Variants in CERS1 observed in about 807,000 individuals in gnomAD.
The protein encoded by CERS1 is Embryonic growth/differentiation factor 1.
A neutral mutation model predicts 35.7 loss-of-function variants in CERS1; 16 were observed. The observed-to-expected ratio is 0.45, with a 90% confidence interval of 0.30 to 0.68. CERS1 has a LOEUF of 0.68. Among genes scored for constraint, CERS1 ranks in the 30% least tolerant of loss-of-function variants. The probability of loss-of-function intolerance (pLI) is 0.08; values close to 1 mark genes in which losing one functional copy is unlikely to be tolerated. For synonymous variants in CERS1, 243 were observed against 201.6 expected, an observed-to-expected ratio of 1.21 and a Z score of -1.74; for missense variants, 454 against 453.9, an observed-to-expected ratio of 1.00 and a Z score of 0.00.
rs966648207 is a variant in CERS1, at chr19:18,869,167, G to A, written c.*818C>T. ...GCCCCAGGGCGGGCACCAACTGGCG[G>A]AGCAGCACCGGCCCGGGGTCCGCGC... On this transcript the variant is annotated 3_prime_UTR_variant, in exon 8 of 8. Transcript: ENST00000623882. 2.6e-6 allele frequency: 3 copies of A among 1,146,760 alleles called. No individual in the cohort carries two copies. Among genetic ancestry groups the A allele is most frequent in the African/African-American group, 1.7e-5 (1 of 60,208 alleles). The allele number at this position is 1,146,760 out of a possible 1,614,324, so 71.0% of individuals were successfully genotyped here. A position where few individuals can be genotyped will look rare whatever the true frequency, so the allele number is the denominator to read the frequency against.
intron 3 of CERS1, chr19:18,883,043 CA>C (rs1326487003): frequency 4.6e-5 from 7 of 152,150 alleles, no homozygotes; most frequent in Non-Finnish European, 8.8e-5. Flanking sequence ...AGGTTGAACT[CA>C]AACTTCTGGG....
At chr19:18,885,279 C>T (rs1390541315) in intron 2 of CERS1, among the ~76,000 whole-genome samples, 2 of 152,106 alleles carry the variant, frequency 1.3e-5, no homozygotes, top group Non-Finnish European at 2.9e-5. Context: ...TAGTTCACTG[C>T]AGCCTCGACC....
intron 6 of CERS1, among the ~76,000 whole-genome samples, chr19:18,872,823 A>G (rs2055998881): frequency 6.6e-6 from 1 of 151,112 alleles, no homozygotes. Context: ...TAATTTTTAT[A>G]TTTTTAGTAG....
In CERS1 at chr19:18,884,101, G is replaced by A; in HGVS notation, c.576C>T (p.Ser192=). 1 of 1,613,270 alleles carries A rather than the reference G, an allele frequency of 6.2e-7. No homozygotes were observed. Among genetic ancestry groups the A allele is most frequent in the Non-Finnish European group, 8.5e-7 (1 of 1,179,622 alleles). Residue 192 remains serine (S), a synonymous_variant, in exon 3 of 8, where the codon TCC becomes TCT. Transcript: ENST00000623882. ...HHVVTLILIV[S]SYAFRYHNVG... ...CCTGTCCTTACCGGAAGGCGTAGGA[G>A]GAGACGATGAGGATGAGAGTGACCA...
At chr19:18,888,686 C>T (rs2056420656) in intron 2 of CERS1, among the ~76,000 whole-genome samples, 2 of 149,746 alleles carry the variant, frequency 1.3e-5, no homozygotes, top group East Asian at 4.0e-4. Flanking sequence ...CAAAATTAGC[C>T]GGGTGTGGTA....
In CERS1 at chr19:18,872,692, T is replaced by A. The variant is rs1260641223; in HGVS notation, c.1011-2073A>T. On this transcript the variant is annotated intron_variant, in intron 6 of 7. Coordinates refer to ENST00000623882, the MANE Select transcript of CERS1 (RefSeq NM_021267.5). ...CACCACGCCCAGATAATTTTTGTAT[T>A]TTTAGTAGAGATGCGGTTTTACCAT... Among the ~76,000 whole-genome samples, 692 of 147,350 alleles carry A rather than the reference T, an allele frequency of 4.7e-3. 11 individuals are homozygous for A. The highest frequency in any genetic ancestry group is 0.017 in the African/African-American group (674 of 39,900).
chr19:18,895,821 G>A lies in CERS1; in HGVS notation c.249+3C>T. On this transcript the variant is annotated splice_donor_region_variant and intron_variant, in intron 1 of 7. Transcript: ENST00000623882. This position sits in a 1 kb window ranked among gnomAD's most constrained non-coding sequence, Gnocchi z 6.4. ...CCTCGTCCCGGCCCCCGGCCACACT[G>A]ACCCGAAAGAGGCGCGCAGTGGCCG... 3 of 1,269,234 alleles carry A rather than the reference G, an allele frequency of 2.4e-6. No homozygotes were observed. The highest frequency in any genetic ancestry group is 3.0e-6 in the Non-Finnish European group (3 of 1,005,266). 78.6% of individuals were successfully genotyped at this position (1,269,234 alleles called of 1,614,324 possible). A position where few individuals can be genotyped will look rare whatever the true frequency, so the allele number is the denominator to read the frequency against.
At position 18,884,075 on chromosome 19, in the gene CERS1, T is replaced by A. The variant is rs2056284759; in HGVS notation, c.590+12A>T. On this transcript the variant is annotated intron_variant, in intron 3 of 7. Transcript: ENST00000623882. ...TGTGCCTCGGCCCCCTGCCACCCGATCCTGTCCTTACCGGAAGGCGTAGGA... is the reference window on the plus strand; with the variant it reads ...TGTGCCTCGGCCCCCTGCCACCCGAACCTGTCCTTACCGGAAGGCGTAGGA... 6.2e-7 allele frequency: 1 copy of A among 1,609,508 alleles called. No homozygotes were observed. Among genetic ancestry groups the A allele is most frequent in the Non-Finnish European group, 8.5e-7 (1 of 1,177,124 alleles).
upstream of CERS1, chr19:18,896,254 G>A (rs1209086310): frequency 2.0e-5 from 3 of 151,994 alleles, no homozygotes; most frequent in Non-Finnish European, 4.3e-5. This position sits in a 1 kb window ranked among gnomAD's most constrained non-coding sequence, Gnocchi z 5.9. Context: ...GCGGCCAGCG[G>A]GGACGCGGGG....
intron 6 of CERS1, among the ~76,000 whole-genome samples, chr19:18,872,176 C>T (rs147948136): frequency 4.3e-4 from 65 of 152,292 alleles, no homozygotes; most frequent in African/African-American, 1.5e-3. Context: ...TGGGTGCCCC[C>T]GCCCTGGGGC....
At position 18,884,378 on chromosome 19, in the gene CERS1, C is replaced by T. The variant is rs2056297303; in HGVS notation, c.410-111G>A. The stretch of plus-strand genomic sequence containing the variant: ...ACGTGTCCTCCCAGTACCCAGGTAA[C>T]CATGCGTGTCTGACTGCTGGCTTTC... On this transcript the variant is annotated intron_variant, in intron 2 of 7. Transcript: ENST00000623882. 3.1e-6 allele frequency: 3 copies of T among 969,650 alleles called. No homozygotes were observed. The South Asian group carries it at 5.4e-5, about 18-fold the overall frequency. The allele number at this position is 969,650 out of a possible 1,614,324, so 60.1% of individuals were successfully genotyped here.
chr19:18,880,572 G>A (rs1245520177), intron 3 of CERS1, 137 bp from the exon 4 acceptor site: 31 of 765,578 alleles, frequency 4.0e-5, no homozygotes, highest in East Asian at 8.9e-5. Flanking sequence ...TTCCTGCCTC[G>A]CCTGCCCTGC....
intron 3 of CERS1, among the ~76,000 whole-genome samples, chr19:18,880,758 G>A (rs2056184778): frequency 6.6e-6 from 1 of 151,978 alleles, no homozygotes; most frequent in South Asian, 2.1e-4. Flanking sequence ...GGGTGCAGTG[G>A]TGTGATCGGG....
At chr19:18,885,006 G>A (rs960659587) in intron 2 of CERS1, among the ~76,000 whole-genome samples, 3 of 150,954 alleles carry the variant, frequency 2.0e-5, no homozygotes, top group Non-Finnish European at 4.4e-5. Context: ...GTGAGCCACC[G>A]TGCCCGGCCA....
chr19:18,894,232 GGGT>G (rs2056569156), intron 1 of CERS1, among the ~76,000 whole-genome samples: 4 of 151,732 alleles, frequency 2.6e-5, no homozygotes, highest in Admixed American at 6.6e-5. Context: ...TCCAAGGCAG[GGGT>G]TGGGGAGTGC....
intron 7 of CERS1, among the ~76,000 whole-genome samples, chr19:18,869,762 C>T (rs941894619): frequency 6.6e-6 from 1 of 152,092 alleles, no homozygotes. Flanking sequence ...AGGGCTTCAG[C>T]ATCAAGCAGA....
intron 6 of CERS1, among the ~76,000 whole-genome samples, chr19:18,876,536 T>TG (rs1555703706): frequency 2.8e-5 from 4 of 143,276 alleles, no homozygotes; most frequent in East Asian, 2.1e-4. Flanking sequence ...TTTGATTGGG[T>TG]TGTGTGTGTG....
intron 1 of CERS1, among the ~76,000 whole-genome samples, chr19:18,894,530 G>A (rs941197363): frequency 6.6e-6 from 1 of 152,110 alleles, no homozygotes; most frequent in African/African-American, 2.4e-5. Flanking sequence ...GGCCCCCGGG[G>A]CTCGGCCCTG....
chr19:18,885,529 T>G (rs1019743982), intron 2 of CERS1, among the ~76,000 whole-genome samples: 8 of 148,796 alleles, frequency 5.4e-5, no homozygotes, highest in African/African-American at 2.0e-4. Context: ...TTTTTTTTTT[T>G]TTTTTTTTGA....
Sources: allele counts gnomAD v4.1 joint callset (sites outside exome capture counted in the v4.1 genomes callset), GRCh38; gene constraint gnomAD v4.1.1; non-coding constraint Gnocchi (gnomAD v3.1); transcripts MANE v1.5; gene names NCBI Gene and HGNC (gene_info 2026-07-23, HGNC 2026-07-21).